NKAIN3: variants seen among roughly 807,000 people sequenced by gnomAD.
NKAIN3 encodes the protein sodium/potassium-transporting ATPase subunit beta-1-interacting protein 3.
In NKAIN3, 25 loss-of-function variants were observed where a neutral mutation model predicts 30.2. The observed-to-expected ratio is 0.83, with a 90% CI of 0.60 to 1.16. NKAIN3 has a LOEUF of 1.16. Ranked by LOEUF, NKAIN3 falls within the 50% of genes most tolerant of loss-of-function variation. The pLI is 0.00. For synonymous variants in NKAIN3, 91 were observed against 89.6 expected, an observed-to-expected ratio of 1.02 and a Z score of -0.09; for missense variants, 225 against 254.1, an observed-to-expected ratio of 0.89 and a Z score of 0.78.
intron 3 of NKAIN3, among the ~76,000 whole-genome samples, chr8:62,642,552 A>G (rs906522454): frequency 1.4e-4 from 21 of 152,086 alleles, no homozygotes; most frequent in African/African-American, 5.1e-4. Context: ...GTACAATGCT[A>G]AACAATATAA....
chr8:62,500,212 G>A (rs1467307017), intron 1 of NKAIN3, among the ~76,000 whole-genome samples: 1 of 151,974 alleles, frequency 6.6e-6, no homozygotes, highest in Non-Finnish European at 1.5e-5. Flanking sequence ...ATGAGCTAGT[G>A]GCAGAGCCTG....
At chr8:62,472,368 T>G (rs185430176) in intron 1 of NKAIN3, among the ~76,000 whole-genome samples, 11 of 152,136 alleles carry the variant, frequency 7.2e-5, no homozygotes, top group Admixed American at 5.2e-4. Flanking sequence ...CAAGCCAGGG[T>G]TTGAGTGATG....
rs1167209517 is a variant in NKAIN3, at chr8:62,956,768, T to C, written c.603+2796T>C. On this transcript the variant is annotated intron_variant, in intron 6 of 6. Transcript: ENST00000623646. ...ACAGGCACAGCCTAAGTGCTAGAGA[T>C]ATAAAGATAAATGATACTTGAGATT... Among the ~76,000 whole-genome samples, 14 of 152,304 alleles carry C rather than the reference T, an allele frequency of 9.2e-5. No homozygotes were observed. The East Asian group carries it at 2.3e-3, about 25-fold the overall frequency.
chr8:62,266,958 C>T (rs1812627650), intron 1 of NKAIN3, among the ~76,000 whole-genome samples: 1 of 152,238 alleles, frequency 6.6e-6, no homozygotes, highest in East Asian at 1.9e-4. Flanking sequence ...AGCAGGATCT[C>T]TGCTGCTGCT....
chr8:62,954,271 G>A (rs1823361311), intron 6 of NKAIN3, among the ~76,000 whole-genome samples: 1 of 152,120 alleles, frequency 6.6e-6, no homozygotes, highest in Admixed American at 6.6e-5. Flanking sequence ...AGTAAAGAAT[G>A]AATATGTGTC....
chr8:62,770,340 T>C (rs1417390129), intron 4 of NKAIN3, among the ~76,000 whole-genome samples: 1 of 152,206 alleles, frequency 6.6e-6, no homozygotes, highest in African/African-American at 2.4e-5. Context: ...TGGCTTTAGG[T>C]GTGTCTTAGT....
At chr8:62,676,335 G>C (rs1227817231) in intron 3 of NKAIN3, among the ~76,000 whole-genome samples, 1 of 152,170 alleles carries the variant, frequency 6.6e-6, no homozygotes, top group Non-Finnish European at 1.5e-5. Context: ...TTGGGAGGCC[G>C]AGGCAGGTGG....
intron 1 of NKAIN3, among the ~76,000 whole-genome samples, chr8:62,457,511 G>A (rs532363893): frequency 1.3e-5 from 2 of 152,276 alleles, no homozygotes; most frequent in Admixed American, 1.3e-4. Context: ...AACTATGACT[G>A]TGTAACTTTG....
intron 3 of NKAIN3, among the ~76,000 whole-genome samples, chr8:62,695,061 T>C (rs781154858): frequency 2.6e-5 from 4 of 152,220 alleles, no homozygotes; most frequent in Non-Finnish European, 5.9e-5. Context: ...GGATTTCATA[T>C]TGCCTTCTCC....
At chr8:62,423,637 C>A (rs1804715693) in intron 1 of NKAIN3, among the ~76,000 whole-genome samples, 1 of 151,858 alleles carries the variant, frequency 6.6e-6, no homozygotes, top group East Asian at 1.9e-4. Context: ...CCAGGTCTAT[C>A]CAATCTTTAA....
intron 3 of NKAIN3, among the ~76,000 whole-genome samples, chr8:62,647,457 T>C (rs1475005691): frequency 2.0e-5 from 3 of 152,146 alleles, no homozygotes; most frequent in African/African-American, 7.2e-5. Flanking sequence ...TATCTCTGAT[T>C]AAGTGCTTTA....
chr8:62,437,661 G>T (rs1805209518), intron 1 of NKAIN3, among the ~76,000 whole-genome samples: 1 of 152,164 alleles, frequency 6.6e-6, no homozygotes, highest in Admixed American at 6.5e-5. Flanking sequence ...CTTAGGACCT[G>T]TGAACTTAGA....
intron 1 of NKAIN3, among the ~76,000 whole-genome samples, chr8:62,444,561 T>C (rs1361184227): frequency 1.3e-5 from 2 of 152,238 alleles, no homozygotes; most frequent in African/African-American, 2.4e-5. Flanking sequence ...CATTATTTTG[T>C]ATGTCTTAGT....
In NKAIN3 at chr8:62,295,921, T is replaced by C. The variant is rs1271366803; in HGVS notation, c.54+46794T>C. 3.9e-5 allele frequency among the ~76,000 whole-genome samples: 6 copies of C among 152,312 alleles called. No homozygotes were observed. The East Asian group carries it at 1.2e-3, about 29-fold the overall frequency. On this transcript the variant is annotated intron_variant, in intron 1 of 6. Coordinates refer to ENST00000623646, the MANE Select transcript of NKAIN3 (RefSeq NM_001304533.3). ...ATCTGTGCCTTCATAAAATTACATT[T>C]CTAATAACCTCACACCTTAGTGTAA...
At chr8:62,862,602 T>TA (rs1563599098) in intron 4 of NKAIN3, among the ~76,000 whole-genome samples, 1 of 152,112 alleles carries the variant, frequency 6.6e-6, no homozygotes, top group African/African-American at 2.4e-5. Context: ...AAAATCATTT[T>TA]AAAAAAATTT....
intron 5 of NKAIN3, among the ~76,000 whole-genome samples, chr8:62,993,057 T>G (rs1355185455): frequency 9.9e-6 from 1 of 101,102 alleles, no homozygotes; most frequent in African/African-American, 3.6e-5. Flanking sequence ...GTTTTGTTTT[T>G]TTGCCTCTAG....
At chr8:62,923,279 C>A (rs113471686) in intron 5 of NKAIN3, among the ~76,000 whole-genome samples, 5,444 of 151,886 alleles carry the variant, frequency 0.036, 306 homozygotes, top group African/African-American at 0.12. Flanking sequence ...GAGCTGAGAT[C>A]CTGCCACTGC....
At chr8:62,524,245 A>T (rs1563439237) in intron 1 of NKAIN3, among the ~76,000 whole-genome samples, 1 of 147,992 alleles carries the variant, frequency 6.8e-6, no homozygotes, top group Non-Finnish European at 1.5e-5. Context: ...TATATATATT[A>T]GCAAATATAC....
intron 3 of NKAIN3, among the ~76,000 whole-genome samples, chr8:62,605,105 G>A (rs953361687): frequency 6.6e-6 from 1 of 152,118 alleles, no homozygotes; most frequent in African/African-American, 2.4e-5. Flanking sequence ...TGAATTAGAA[G>A]CTGACCCAAA....
Sources: gnomAD v4.1 joint callset for allele counts (sites outside exome capture counted in the v4.1 genomes callset) on GRCh38, gnomAD v4.1.1 for gene constraint, MANE v1.5 for transcripts, NCBI Gene and HGNC (gene_info 2026-07-23, HGNC 2026-07-21) for gene names.